UTRN: variants seen among roughly 807,000 people sequenced by gnomAD.
UTRN encodes the protein utrophin.
A neutral mutation model predicts 463.9 loss-of-function variants in UTRN; 283 were observed. That is an observed-to-expected ratio of 0.61 (90% CI 0.55 to 0.67). The LOEUF (loss-of-function observed/expected upper bound fraction) is 0.67, where lower values mean the gene tolerates loss of function less well. Among genes scored for constraint, UTRN ranks in the 30% least tolerant of loss-of-function variants. The probability of loss-of-function intolerance (pLI) is 0.00; values close to 1 mark genes in which losing one functional copy is unlikely to be tolerated. For synonymous variants in UTRN, 1,442 were observed against 1,431.5 expected, an observed-to-expected ratio of 1.01 and a Z score of -0.17; for missense variants, 3,922 against 4,084.3, an observed-to-expected ratio of 0.96 and a Z score of 1.08.
intron 49 of UTRN, among the ~76,000 whole-genome samples, chr6:144,556,352 C>A (rs1316781669): frequency 6.6e-6 from 1 of 151,918 alleles, no homozygotes; most frequent in Non-Finnish European, 1.5e-5. Flanking sequence ...ACTGTTTCCA[C>A]CAAATGACTC....
chr6:144,654,045 G>T (rs1001003242), intron 51 of UTRN, among the ~76,000 whole-genome samples: 1 of 152,010 alleles, frequency 6.6e-6, no homozygotes, highest in African/African-American at 2.4e-5. Flanking sequence ...AAATATGACT[G>T]GAGGGGAGAA....
At chr6:144,645,735 G>T (rs1041160018) in intron 51 of UTRN, among the ~76,000 whole-genome samples, 1 of 152,164 alleles carries the variant, frequency 6.6e-6, no homozygotes, top group African/African-American at 2.4e-5. Context: ...TTTTAAAAGT[G>T]GCAGGAGGTA....
In UTRN at chr6:144,523,104, C is replaced by T. The variant is rs770768415; in HGVS notation, c.5822C>T (p.Pro1941Leu). Reference sequence around the variant, plus strand: ...GATGTCATCCTTGAAGCCTCTGGACCTGAAGCCATTCAGATCAGAGATACA... The same window carrying T: ...GATGTCATCCTTGAAGCCTCTGGACTTGAAGCCATTCAGATCAGAGATACA... ...QPDVILEASGPEAIQIRDTLT... is the reference protein window; with the variant it reads ...QPDVILEASGLEAIQIRDTLT... The change falls in exon 41 of 75, where the codon CCT (proline) becomes CTT (leucine). Residue 1941 changes from proline (P) to leucine (L), a missense_variant. This residue lies in a region of UTRN where 2,349 missense variants were observed against 2,303.8 expected (regional missense o/e 1.02). Coordinates refer to ENST00000367545, the MANE Select transcript of UTRN (RefSeq NM_007124.3). 2 of 1,613,482 alleles carry T rather than the reference C, an allele frequency of 1.2e-6. No individual in the cohort carries two copies. The highest frequency in any genetic ancestry group is 1.6e-4 in the Middle Eastern group (1 of 6,062).
At position 144,839,833 on chromosome 6, in the gene UTRN, A is replaced by G. The variant is rs1781407645; in HGVS notation, c.10177+549A>G. Among the ~76,000 whole-genome samples the G allele has an allele frequency of 2.0e-5, 3 of 152,246 alleles. No individual in the cohort carries two copies. In the South Asian group the frequency reaches 6.2e-4, roughly 32 times the overall value. On this transcript the variant is annotated intron_variant, in intron 72 of 74. Transcript: ENST00000367545. ...GACTCAGTAAACTAGGTGTTAACCAATGACATTTTGTTATCAATTAAATTA... is the reference window on the plus strand; with the variant it reads ...GACTCAGTAAACTAGGTGTTAACCAGTGACATTTTGTTATCAATTAAATTA...
At chr6:144,825,916 A>G (rs9373428) in intron 66 of UTRN, among the ~76,000 whole-genome samples, 16,154 of 149,474 alleles carry the variant, frequency 0.11, 1,212 homozygotes, top group East Asian at 0.45. Context: ...ATATTCTGAC[A>G]AACAGTCTGG....
chr6:144,775,047 A>G (rs1296506630), intron 60 of UTRN, among the ~76,000 whole-genome samples: 1 of 152,136 alleles, frequency 6.6e-6, no homozygotes, highest in Non-Finnish European at 1.5e-5. Context: ...GCCTTGTCAG[A>G]TAGTTGATGT....
At position 144,586,561 on chromosome 6, in the gene UTRN, A is replaced by G. The variant is rs1802486406; in HGVS notation, c.7479+9273A>G. ...TGATGTAAATGATTTGAAAAATAATATTGAATTTAATTTGTTTTTATTGTT... is the reference window on the plus strand; with the variant it reads ...TGATGTAAATGATTTGAAAAATAATGTTGAATTTAATTTGTTTTTATTGTT... On this transcript the variant is annotated intron_variant, in intron 51 of 74. Coordinates refer to ENST00000367545, the MANE Select transcript of UTRN (RefSeq NM_007124.3). 3.9e-5 allele frequency among the ~76,000 whole-genome samples: 6 copies of G among 152,156 alleles called. 1 individual carries two copies. The highest frequency in any genetic ancestry group is 2.6e-4 in the Admixed American group (4 of 15,266).
At chr6:144,607,078 A>G (rs1421649739) in intron 51 of UTRN, among the ~76,000 whole-genome samples, 3 of 152,250 alleles carry the variant, frequency 2.0e-5, no homozygotes, top group Non-Finnish European at 4.4e-5. Flanking sequence ...TCACTAGTGA[A>G]TCAACATTTG....
Position 144,511,141 on chromosome 6 carries a change from G to A in UTRN, c.4944+18G>A. 2.7e-6 allele frequency: 4 copies of A among 1,493,978 alleles called. No individual in the cohort carries two copies. In the South Asian group the frequency reaches 4.0e-5, roughly 15 times the overall value. 92.5% of individuals were successfully genotyped at this position (1,493,978 alleles called of 1,614,324 possible). The stretch of plus-strand genomic sequence containing the variant: ...CCTTGATGGTATGTCTCAGGAAAAA[G>A]TAAATGATGAAATCTTCTCCTCTCT... On this transcript the variant is annotated intron_variant, in intron 35 of 74. Coordinates refer to ENST00000367545, the MANE Select transcript of UTRN (RefSeq NM_007124.3).
At chr6:144,368,283 G>A (rs992870239) in intron 2 of UTRN, among the ~76,000 whole-genome samples, 4 of 152,130 alleles carry the variant, frequency 2.6e-5, no homozygotes, top group African/African-American at 7.2e-5. Flanking sequence ...AAAGAAAACT[G>A]TGACATATAT....
chr6:144,485,300 A>G, intron 27 of UTRN, 85 bp from the exon 28 acceptor site: 2 of 1,535,354 alleles, frequency 1.3e-6, no homozygotes, highest in African/African-American at 2.7e-5. Flanking sequence ...AAATGAAATT[A>G]TTAGCGATTA....
chr6:144,490,351 G>A, intron 31 of UTRN, 152 bp downstream of exon 31: 1 of 1,116,026 alleles, frequency 9.0e-7, no homozygotes, highest in Non-Finnish European at 1.2e-6. Context: ...TGCATCCTAG[G>A]GCAGCAGAAA....
intron 51 of UTRN, among the ~76,000 whole-genome samples, chr6:144,577,911 A>G (rs764952124): frequency 2.6e-5 from 4 of 152,212 alleles, no homozygotes; most frequent in Non-Finnish European, 5.9e-5. Context: ...CCAGTTCAAA[A>G]TCTGATTCAT....
At chr6:144,699,449 A>T (rs1395132067) in intron 52 of UTRN, among the ~76,000 whole-genome samples, 2 of 115,832 alleles carry the variant, frequency 1.7e-5, no homozygotes, top group Non-Finnish European at 3.6e-5. Context: ...CAAAAAAAAA[A>T]ATAATAATAA....
At chr6:144,626,900 C>A (rs1291717590) in intron 51 of UTRN, among the ~76,000 whole-genome samples, 1 of 152,144 alleles carries the variant, frequency 6.6e-6, no homozygotes, top group African/African-American at 2.4e-5. Flanking sequence ...TGTGGCTTTT[C>A]TTATACACAA....
At chr6:144,686,778 G>A (rs1185132356) in intron 52 of UTRN, among the ~76,000 whole-genome samples, 2 of 151,912 alleles carry the variant, frequency 1.3e-5, no homozygotes, top group Non-Finnish European at 2.9e-5. Flanking sequence ...GAATCTATAA[G>A]AATCCTTATG....
intron 51 of UTRN, among the ~76,000 whole-genome samples, chr6:144,613,946 C>T: frequency 6.6e-6 from 1 of 151,816 alleles, no homozygotes; most frequent in East Asian, 1.9e-4. Flanking sequence ...TTATCTTTTC[C>T]CATACTAAAA....
chr6:144,719,912 T>C (rs1786925511), intron 53 of UTRN, among the ~76,000 whole-genome samples: 1 of 152,238 alleles, frequency 6.6e-6, no homozygotes, highest in Non-Finnish European at 1.5e-5. Flanking sequence ...ACAATTTGGA[T>C]AATGGCTTTA....
In UTRN at chr6:144,702,652, T is replaced by A. The variant is rs1343036117; in HGVS notation, c.7809+2409T>A. 1.3e-5 allele frequency among the ~76,000 whole-genome samples: 2 copies of A among 152,082 alleles called. 1 individual carries two copies. On this transcript the variant is annotated intron_variant, in intron 53 of 74. Transcript: ENST00000367545. ...AGAAGGTCAGGAAAGTATCACAAAT[T>A]GGGTGATTTTTGAACAGAGACCTGG...
Sources: allele counts gnomAD v4.1 joint callset (sites outside exome capture counted in the v4.1 genomes callset), GRCh38; gene constraint gnomAD v4.1.1; regional missense constraint gnomAD v4.1.1; transcripts MANE v1.5; gene names NCBI Gene and HGNC (gene_info 2026-07-23, HGNC 2026-07-21).